The following SND1 variants were observed in gnomAD, a reference collection of about 807,000 sequenced individuals.
SND1 encodes the protein staphylococcal nuclease domain-containing protein 1.
SND1 carries 38 observed loss-of-function variants against 121.7 expected under a neutral mutation model. That is an observed-to-expected ratio of 0.31 (90% CI 0.24 to 0.41). The LOEUF is 0.41. Ranked by LOEUF, SND1 falls within the 10% of genes least tolerant of loss-of-function variation. The pLI is 1.00. For synonymous variants in SND1, 401 were observed against 447.4 expected (o/e 0.90, Z 1.31); for missense variants, 868 against 1,184.6 (o/e 0.73, Z 3.92).
chr7:127,761,700 T>C (rs1797309080), intron 10 of SND1, among the ~76,000 whole-genome samples: 1 of 152,228 alleles, frequency 6.6e-6, no homozygotes, highest in Admixed American at 6.5e-5. Flanking sequence ...TTTATACCCA[T>C]CTTTCCTTGA....
At chr7:128,073,109 G>T (rs952899506) in intron 16 of SND1, among the ~76,000 whole-genome samples, 1 of 152,170 alleles carries the variant, frequency 6.6e-6, no homozygotes, top group Non-Finnish European at 1.5e-5. Context: ...CTGTGGAAAG[G>T]GGGTATTAGG....
At chr7:127,975,384 C>T (rs1482814111) in intron 15 of SND1, among the ~76,000 whole-genome samples, 5 of 148,064 alleles carry the variant, frequency 3.4e-5, no homozygotes, top group African/African-American at 7.5e-5. Flanking sequence ...TGACTCCCCT[C>T]GTGTGTGTGT....
intron 10 of SND1, among the ~76,000 whole-genome samples, chr7:127,725,744 A>C (rs1796570510): frequency 6.6e-6 from 1 of 152,138 alleles, no homozygotes; most frequent in East Asian, 1.9e-4. Flanking sequence ...AGCCTTTTCC[A>C]AACCAAAGAA....
intron 16 of SND1, among the ~76,000 whole-genome samples, chr7:128,046,766 T>G (rs899546440): frequency 1.3e-5 from 2 of 152,226 alleles, no homozygotes; most frequent in African/African-American, 4.8e-5. Context: ...AGCGTGTGTC[T>G]TTATTTGTAT....
chr7:127,923,151 G>T (rs751428253), intron 14 of SND1, among the ~76,000 whole-genome samples: 2 of 152,110 alleles, frequency 1.3e-5, no homozygotes, highest in Non-Finnish European at 2.9e-5. Flanking sequence ...ACCATGCTTG[G>T]CTAATTTTTA....
intron 1 of SND1, among the ~76,000 whole-genome samples, chr7:127,668,038 T>C (rs1795451139): frequency 6.6e-6 from 1 of 152,210 alleles, no homozygotes; most frequent in East Asian, 1.9e-4. Flanking sequence ...CATCTTTCAA[T>C]AGAAACAAAA....
At chr7:127,789,804 C>T (rs1797877801) in intron 10 of SND1, among the ~76,000 whole-genome samples, 1 of 152,156 alleles carries the variant, frequency 6.6e-6, no homozygotes, top group Admixed American at 6.5e-5. Flanking sequence ...TTGCTGTGCA[C>T]TTTTACTGGA....
At chr7:127,969,980 T>C (rs1035295) in intron 15 of SND1, among the ~76,000 whole-genome samples, 28,908 of 152,176 alleles carry the variant, frequency 0.19, 3,066 homozygotes, top group African/African-American at 0.29. Context: ...ATTTAAAAAG[T>C]GCTTGATCCA....
intron 10 of SND1, among the ~76,000 whole-genome samples, chr7:127,752,851 G>A (rs982669592): frequency 1.3e-5 from 2 of 152,146 alleles, no homozygotes; most frequent in African/African-American, 2.4e-5. Flanking sequence ...ACCATTTTCA[G>A]CTTATAGGCT....
intron 10 of SND1, among the ~76,000 whole-genome samples, chr7:127,783,034 G>A (rs1797750481): frequency 6.6e-6 from 1 of 152,200 alleles, no homozygotes; most frequent in Non-Finnish European, 1.5e-5. Context: ...GGGACTCATG[G>A]TAAGATTCTG....
At chr7:128,060,533 C>T (rs891968269) in intron 16 of SND1, among the ~76,000 whole-genome samples, 2 of 152,226 alleles carry the variant, frequency 1.3e-5, no homozygotes, top group African/African-American at 4.8e-5. Context: ...GGGGCTTGGC[C>T]TTTCCCTTCC....
At chr7:128,086,654 G>A (rs925126565) in intron 20 of SND1, 3 of 496,044 alleles carry the variant, frequency 6.0e-6, no homozygotes, top group Non-Finnish European at 1.1e-5. Context: ...ATGGAAAAGC[G>A]ATTAGAGTCC....
chr7:127,824,435 T>A (rs1798607188), intron 11 of SND1, among the ~76,000 whole-genome samples: 1 of 152,236 alleles, frequency 6.6e-6, no homozygotes, highest in African/African-American at 2.4e-5. Context: ...ACATAACAAG[T>A]GTTCAAGGCC....
intron 1 of SND1, among the ~76,000 whole-genome samples, chr7:127,664,601 G>A (rs1210046597): frequency 6.6e-6 from 1 of 152,144 alleles, no homozygotes; most frequent in East Asian, 1.9e-4. Flanking sequence ...TAGTAAGTAG[G>A]CTGTTTTCCA....
At chr7:128,006,328 C>T (rs1017152176) in intron 16 of SND1, among the ~76,000 whole-genome samples, 2 of 151,928 alleles carry the variant, frequency 1.3e-5, no homozygotes, top group East Asian at 1.9e-4. Flanking sequence ...TGTGTGTGTG[C>T]GTGCATGTGT....
intron 11 of SND1, among the ~76,000 whole-genome samples, chr7:127,827,945 G>A (rs1049020206): frequency 1.3e-5 from 2 of 151,022 alleles, no homozygotes; most frequent in African/African-American, 4.9e-5. Flanking sequence ...TTTTCTGGGT[G>A]GTTTCTTTAA....
chr7:127,675,783 G>A (rs1301620699), intron 1 of SND1, among the ~76,000 whole-genome samples: 1 of 152,062 alleles, frequency 6.6e-6, no homozygotes, highest in Admixed American at 6.5e-5. Flanking sequence ...ATTTTCTTTC[G>A]ACAGCTGGGC....
At chr7:127,757,888 T>G (rs766279255) in intron 10 of SND1, among the ~76,000 whole-genome samples, 4 of 152,218 alleles carry the variant, frequency 2.6e-5, no homozygotes, top group Non-Finnish European at 5.9e-5. Flanking sequence ...TTTCCTGTGT[T>G]CTTAATTTCT....
intron 15 of SND1, among the ~76,000 whole-genome samples, chr7:127,942,452 T>C (rs1801235967): frequency 6.6e-6 from 1 of 152,144 alleles, no homozygotes; most frequent in South Asian, 2.1e-4. Flanking sequence ...AAATGCACAG[T>C]CATAGATCAT....
Sources: allele counts gnomAD v4.1 joint callset (sites outside exome capture counted in the v4.1 genomes callset), GRCh38; gene constraint gnomAD v4.1.1; transcripts MANE v1.5; gene names NCBI Gene and HGNC (gene_info 2026-07-23, HGNC 2026-07-21).